The following PKHD1 variants were observed in gnomAD, a reference collection of about 807,000 sequenced individuals.
PKHD1 encodes PKHD1 ciliary IPT domain containing fibrocystin/polyductin, also known as fibrocystin.
PKHD1 carries 291 observed loss-of-function variants against 412.0 expected under a neutral mutation model. The observed-to-expected ratio is 0.71, with a 90% CI of 0.64 to 0.78. The LOEUF (loss-of-function observed/expected upper bound fraction) is 0.78, where lower values mean the gene tolerates loss of function less well. Ranked by LOEUF, PKHD1 falls within the 30% of genes least tolerant of loss-of-function variation. The pLI, the probability that PKHD1 is intolerant of heterozygous loss-of-function variation, is 0.00. For missense variants in PKHD1, 4,825 were observed against 4,950.7 expected, an observed-to-expected ratio of 0.97 and a Z score of 0.76; for synonymous variants, 1,777 against 1,821.5, an observed-to-expected ratio of 0.98 and a Z score of 0.62.
chr6:51,711,299 C>T (rs1316197448), intron 60 of PKHD1, among the ~76,000 whole-genome samples: 1 of 152,256 alleles, frequency 6.6e-6, no homozygotes, highest in African/African-American at 2.4e-5. Context: ...CTAATGCAGT[C>T]CCCCACTCCT....
At chr6:51,624,093 T>C in intron 66 of PKHD1, among the ~76,000 whole-genome samples, 1 of 152,184 alleles carries the variant, frequency 6.6e-6, no homozygotes, top group Non-Finnish European at 1.5e-5. Flanking sequence ...TTTTATTATG[T>C]TGCCCAGGTT....
intron 43 of PKHD1, among the ~76,000 whole-genome samples, chr6:51,896,464 A>C (rs1444778032): frequency 2.0e-5 from 3 of 151,336 alleles, no homozygotes; most frequent in African/African-American, 4.9e-5. Flanking sequence ...CTGTCTGTTA[A>C]AAGGAAAACT....
At chr6:52,045,306 G>T (rs189047560) in intron 24 of PKHD1, among the ~76,000 whole-genome samples, 1 of 152,326 alleles carries the variant, frequency 6.6e-6, no homozygotes, top group East Asian at 1.9e-4. Flanking sequence ...CAAGTGGATT[G>T]CCAAAAGAGG....
chr6:51,811,625 T>C (rs1174262709), intron 52 of PKHD1, among the ~76,000 whole-genome samples: 1 of 152,180 alleles, frequency 6.6e-6, no homozygotes, highest in Non-Finnish European at 1.5e-5. Flanking sequence ...TTATGATCTC[T>C]ATTTCTCAGT....
At position 51,791,308 on chromosome 6, in the gene PKHD1, C is replaced by G. The variant is rs1793706792; in HGVS notation, c.8368G>C (p.Asp2790His). ...ACATTGCTTCTGTCCACAGGGAAGT[C>G]TAAGGTCCCCATCACATACAGCCCT... ...FKGLYVMGTLDFPVDRSNVLS... is the reference protein window; with the variant it reads ...FKGLYVMGTLHFPVDRSNVLS... The change falls in exon 53 of 67, where the codon GAC becomes CAC. Residue 2790 changes from aspartate (D) to histidine (H), a missense_variant. By Grantham distance (81) the Asp-to-His change is moderately conservative. Coordinates refer to ENST00000371117, the MANE Select transcript of PKHD1 (RefSeq NM_138694.4). 1 of 1,613,588 alleles carries G rather than the reference C, an allele frequency of 6.2e-7. No individual in the cohort carries two copies. The highest frequency in any genetic ancestry group is 1.7e-5 in the Admixed American group (1 of 59,984).
chr6:51,806,686 TAG>T (rs1554253775), intron 52 of PKHD1, among the ~76,000 whole-genome samples: 37 of 125,032 alleles, frequency 3.0e-4, no homozygotes, highest in Non-Finnish European at 5.7e-4. Flanking sequence ...TATCTAAAAA[TAG>T]ATGAGGGTTT....
intron 35 of PKHD1, among the ~76,000 whole-genome samples, chr6:51,969,157 T>C (rs1012132958): frequency 3.9e-5 from 6 of 152,200 alleles, no homozygotes; most frequent in African/African-American, 1.4e-4. Context: ...GCCATGTGGC[T>C]TGGAGGAGAC....
At chr6:51,734,457 A>G (rs1783594661) in intron 60 of PKHD1, among the ~76,000 whole-genome samples, 2 of 152,230 alleles carry the variant, frequency 1.3e-5, no homozygotes, top group South Asian at 4.1e-4. Context: ...TTCAGCAAAC[A>G]TTAACAAAGC....
At chr6:51,864,786 A>C (rs1051861103) in intron 48 of PKHD1, among the ~76,000 whole-genome samples, 1 of 152,206 alleles carries the variant, frequency 6.6e-6, no homozygotes, top group Non-Finnish European at 1.5e-5. Context: ...GAGATATTTT[A>C]CATTCTTTTT....
At chr6:51,779,437 G>A (rs761985016) in intron 53 of PKHD1, among the ~76,000 whole-genome samples, 1 of 152,056 alleles carries the variant, frequency 6.6e-6, no homozygotes, top group Non-Finnish European at 1.5e-5. Context: ...AGAATGCCAT[G>A]TTTTGCTACA....
At chr6:51,995,151 G>A (rs1797577206) in intron 35 of PKHD1, among the ~76,000 whole-genome samples, 1 of 152,138 alleles carries the variant, frequency 6.6e-6, no homozygotes, top group African/African-American at 2.4e-5. Context: ...CCTCGTGGAA[G>A]CACTGCCTGT....
intron 35 of PKHD1, among the ~76,000 whole-genome samples, chr6:51,977,905 C>T (rs749897393): frequency 1.3e-5 from 2 of 152,128 alleles, no homozygotes; most frequent in African/African-American, 4.8e-5. Context: ...AGGGAACAAG[C>T]TGATATGACT....
intron 40 of PKHD1, 39 bp downstream of exon 40, chr6:51,909,244 A>G: frequency 6.7e-7 from 1 of 1,501,494 alleles, no homozygotes; most frequent in Non-Finnish European, 9.3e-7. Context: ...AACATGGGAG[A>G]AAGAAACATG....
At chr6:51,755,039 C>A in intron 55 of PKHD1, 101 bp from the exon 56 acceptor site, 1 of 979,448 alleles carries the variant, frequency 1.0e-6, no homozygotes, top group Admixed American at 1.7e-5. Context: ...ACCAACATAT[C>A]CCACCAGAGA....
chr6:52,028,090 T>C (rs1337775925), intron 30 of PKHD1, 66 bp downstream of exon 30: 2 of 1,486,966 alleles, frequency 1.3e-6, no homozygotes, highest in South Asian at 1.1e-5. Context: ...AACTCAAAAT[T>C]AGAATTACCT....
intron 43 of PKHD1, among the ~76,000 whole-genome samples, chr6:51,901,548 A>G (rs1027282107): frequency 1.3e-5 from 2 of 152,118 alleles, no homozygotes; most frequent in Non-Finnish European, 2.9e-5. Flanking sequence ...GAGGAATAGC[A>G]CTGGGAGATA....
chr6:51,642,360 G>C (rs1769477623), intron 63 of PKHD1, among the ~76,000 whole-genome samples: 1 of 152,150 alleles, frequency 6.6e-6, no homozygotes, highest in Non-Finnish European at 1.5e-5. Context: ...GGTTAGAAAT[G>C]AAGTGTGAGT....
chr6:52,017,823 T>C (rs1204324441), intron 33 of PKHD1, among the ~76,000 whole-genome samples, 194 bp from the exon 34 acceptor site: 1 of 152,198 alleles, frequency 6.6e-6, no homozygotes, highest in Non-Finnish European at 1.5e-5. Flanking sequence ...AAAATATGAA[T>C]AATCATCATA....
intron 35 of PKHD1, among the ~76,000 whole-genome samples, chr6:51,988,555 G>T (rs1235652326): frequency 6.6e-6 from 1 of 152,108 alleles, no homozygotes; most frequent in African/African-American, 2.4e-5. Flanking sequence ...CAAGTAGCAC[G>T]TTCCAGTTTT....
Sources: allele counts gnomAD v4.1 joint callset (sites outside exome capture counted in the v4.1 genomes callset), GRCh38; gene constraint gnomAD v4.1.1; transcripts MANE v1.5; gene names NCBI Gene and HGNC (gene_info 2026-07-23, HGNC 2026-07-21).